ADAMTSL1: variants seen among roughly 807,000 people sequenced by gnomAD.
The protein encoded by ADAMTSL1 is ADAMTS-like protein 1.
Under a neutral mutation model 201.8 loss-of-function variants are expected in ADAMTSL1, and 126 were observed. The observed-to-expected ratio is 0.62, with a 90% CI of 0.54 to 0.72. The LOEUF (loss-of-function observed/expected upper bound fraction) is 0.72, where lower values mean the gene tolerates loss of function less well. Among genes scored for constraint, ADAMTSL1 ranks in the 30% least tolerant of loss-of-function variants. The probability of loss-of-function intolerance (pLI) is 0.00; values close to 1 mark genes in which losing one functional copy is unlikely to be tolerated. For missense variants in ADAMTSL1, 2,679 were observed against 2,277.8 expected (o/e 1.18, Z -3.59); for synonymous variants, 1,121 against 903.4 (o/e 1.24, Z -4.32).
At chr9:18,704,899 CA>C (rs1240477232) in intron 13 of ADAMTSL1, among the ~76,000 whole-genome samples, 3 of 152,210 alleles carry the variant, frequency 2.0e-5, no homozygotes, top group Non-Finnish European at 2.9e-5. Context: ...ACCTTCCTGA[CA>C]AGGTTATATG....
At position 18,658,082 on chromosome 9, in the gene ADAMTSL1, C is replaced by A. The variant is rs544992921; in HGVS notation, c.946+332C>A. Among the ~76,000 whole-genome samples, 58 of 151,366 alleles carry A rather than the reference C, an allele frequency of 3.8e-4. 1 individual carries two copies. Among genetic ancestry groups the A allele is most frequent in the Non-Finnish European group, 7.5e-4 (51 of 67,962 alleles). On this transcript the variant is annotated intron_variant, in intron 8 of 28. Transcript: ENST00000380548. Reference sequence around the variant, plus strand: ...CTCCGCCTCCCGAGTTCACGCCATTCTCCTGCCTCAGCCTCCTGAGTAGCT... The same window carrying A: ...CTCCGCCTCCCGAGTTCACGCCATTATCCTGCCTCAGCCTCCTGAGTAGCT...
intron 4 of ADAMTSL1, among the ~76,000 whole-genome samples, chr9:18,613,849 C>G (rs946135084): frequency 6.6e-6 from 1 of 152,064 alleles, no homozygotes; most frequent in East Asian, 1.9e-4. Flanking sequence ...ACCTATGTAA[C>G]AAAGCTGCAC....
chr9:18,212,885 T>C (rs1040346962), intron 2 of ADAMTSL1, among the ~76,000 whole-genome samples: 1 of 152,136 alleles, frequency 6.6e-6, no homozygotes, highest in Non-Finnish European at 1.5e-5. Flanking sequence ...TTGTAAAGAT[T>C]TGGGAGAGAA....
At chr9:18,851,709 A>C (rs981441729) in intron 23 of ADAMTSL1, among the ~76,000 whole-genome samples, 3 of 152,194 alleles carry the variant, frequency 2.0e-5, no homozygotes, top group Non-Finnish European at 4.4e-5. Context: ...CAGCATGAGC[A>C]GTGGCCTGTC....
intron 1 of ADAMTSL1, among the ~76,000 whole-genome samples, chr9:18,076,745 C>T (rs918688615): frequency 2.6e-5 from 4 of 151,944 alleles, no homozygotes; most frequent in African/African-American, 7.3e-5. Context: ...TTGAGTACAT[C>T]GAGGGACTTA....
At chr9:17,935,352 G>A (rs1025290297) in intron 1 of ADAMTSL1, among the ~76,000 whole-genome samples, 1 of 151,974 alleles carries the variant, frequency 6.6e-6, no homozygotes, top group Non-Finnish European at 1.5e-5. Context: ...CCTACTCCTT[G>A]GTGTAACTTA....
At chr9:18,472,806 A>G (rs1674242446), upstream of ADAMTSL1, among the ~76,000 whole-genome samples, 1 of 152,242 alleles carries the variant, frequency 6.6e-6, no homozygotes, top group Admixed American at 6.5e-5. Flanking sequence ...AGATCTGAAA[A>G]GGGAAAACGT....
intron 1 of ADAMTSL1, among the ~76,000 whole-genome samples, chr9:18,044,463 C>A (rs1239539589): frequency 6.6e-6 from 1 of 152,136 alleles, no homozygotes; most frequent in Non-Finnish European, 1.5e-5. Context: ...AGTTTGGGAC[C>A]AGTCTTCATA....
chr9:17,996,258 G>T (rs531282675), intron 1 of ADAMTSL1, among the ~76,000 whole-genome samples: 1 of 151,412 alleles, frequency 6.6e-6, no homozygotes, highest in Admixed American at 6.6e-5. Context: ...TTCATTAAAA[G>T]AACAACCGCT....
At chr9:18,332,950 G>A (rs1835091225) in intron 2 of ADAMTSL1, among the ~76,000 whole-genome samples, 1 of 152,124 alleles carries the variant, frequency 6.6e-6, no homozygotes, top group South Asian at 2.1e-4. Context: ...GTAAGCGTAT[G>A]AGGAATAAAA....
chr9:18,811,039 A>AAG (rs1823475270), intron 20 of ADAMTSL1, among the ~76,000 whole-genome samples: 1 of 149,132 alleles, frequency 6.7e-6, no homozygotes, highest in East Asian at 2.0e-4. Flanking sequence ...AAAAAAACAA[A>AAG]CACCAGCTAG....
intron 3 of ADAMTSL1, among the ~76,000 whole-genome samples, chr9:18,535,339 G>C (rs1819699513): frequency 6.6e-6 from 1 of 152,180 alleles, no homozygotes; most frequent in Admixed American, 6.5e-5. Context: ...CCTGGACTTT[G>C]TTGCCTGTAT....
At chr9:18,737,300 C>T (rs544779722) in intron 15 of ADAMTSL1, among the ~76,000 whole-genome samples, 240 of 101,786 alleles carry the variant, frequency 2.4e-3, no homozygotes, top group Middle Eastern at 0.01. Flanking sequence ...GCCTGCCCAA[C>T]AAGAGTGAAA....
At chr9:18,078,756 C>G (rs914081939) in intron 1 of ADAMTSL1, among the ~76,000 whole-genome samples, 3 of 152,080 alleles carry the variant, frequency 2.0e-5, no homozygotes, top group Admixed American at 6.6e-5. Flanking sequence ...GAAGCCCAGT[C>G]CACCCATATT....
chr9:18,095,808 A>G (rs1824227130), intron 1 of ADAMTSL1, among the ~76,000 whole-genome samples: 1 of 152,158 alleles, frequency 6.6e-6, no homozygotes, highest in Non-Finnish European at 1.5e-5. Flanking sequence ...GGAATCAGAC[A>G]TTTAAGAAGC....
chr9:18,686,564 A>T (rs1241772780), intron 13 of ADAMTSL1, among the ~76,000 whole-genome samples: 4 of 151,988 alleles, frequency 2.6e-5, no homozygotes. Flanking sequence ...AGAGCTGGTG[A>T]CTCCTTTTAT....
At chr9:18,676,828 G>T (rs1010060225) in intron 10 of ADAMTSL1, among the ~76,000 whole-genome samples, 6 of 151,936 alleles carry the variant, frequency 3.9e-5, no homozygotes, top group Non-Finnish European at 8.8e-5. Context: ...ATTTTATTTT[G>T]AACTGTAAGG....
chr9:18,632,797 A>T (rs1826859804), intron 5 of ADAMTSL1, among the ~76,000 whole-genome samples: 1 of 152,166 alleles, frequency 6.6e-6, no homozygotes, highest in African/African-American at 2.4e-5. Flanking sequence ...CTTCTGTGCC[A>T]TGTGCTGCCA....
At chr9:18,629,638 C>A (rs892962996) in intron 5 of ADAMTSL1, among the ~76,000 whole-genome samples, 1 of 152,012 alleles carries the variant, frequency 6.6e-6, no homozygotes, top group Admixed American at 6.6e-5. Context: ...TAGTTTGATT[C>A]GGCAGTATTT....
Sources: gnomAD v4.1 joint callset for allele counts (sites outside exome capture counted in the v4.1 genomes callset) on GRCh38, gnomAD v4.1.1 for gene constraint, MANE v1.5 for transcripts, NCBI Gene and HGNC (gene_info 2026-07-23, HGNC 2026-07-21) for gene names.